ANGPT2: variants seen among roughly 807,000 people sequenced by gnomAD.
ANGPT2 encodes angiopoietin 2, also known as angiopoietin-2.
A neutral mutation model predicts 62.9 loss-of-function variants in ANGPT2; 28 were observed. The ratio of observed to expected loss-of-function variants is 0.44; its 90% CI spans 0.33 to 0.61. The LOEUF is 0.61. Ranked by LOEUF, ANGPT2 falls within the 20% of genes least tolerant of loss-of-function variation. The pLI is 0.03. For synonymous variants in ANGPT2, 284 were observed against 207.8 expected (o/e 1.37, Z -3.15); for missense variants, 727 against 594.9 (o/e 1.22, Z -2.31).
intron 8 of ANGPT2, among the ~76,000 whole-genome samples, chr8:6,504,801 A>G (rs1214278573): frequency 6.6e-6 from 1 of 152,140 alleles, no homozygotes; most frequent in Non-Finnish European, 1.5e-5. Context: ...TACAAACTAA[A>G]CTTTGTAAGT....
chr8:6,517,573 C>T (rs1441714581), intron 5 of ANGPT2, among the ~76,000 whole-genome samples: 1 of 152,174 alleles, frequency 6.6e-6, no homozygotes, highest in African/African-American at 2.4e-5. Context: ...TAAATGAGTG[C>T]AGAATCGGGT....
intron 1 of ANGPT2, among the ~76,000 whole-genome samples, chr8:6,555,355 C>T (rs1481180131): frequency 6.6e-6 from 1 of 152,174 alleles, no homozygotes; most frequent in Non-Finnish European, 1.5e-5. Context: ...AGCGTTTCCC[C>T]CTGTCAACTT....
At chr8:6,550,910 G>A (rs1244600311) in intron 1 of ANGPT2, among the ~76,000 whole-genome samples, 2 of 152,262 alleles carry the variant, frequency 1.3e-5, no homozygotes, top group East Asian at 3.9e-4. Context: ...CACAATTACA[G>A]CCCAAGGAGC....
chr8:6,550,019 G>C (rs1823343080), intron 1 of ANGPT2, among the ~76,000 whole-genome samples: 1 of 152,210 alleles, frequency 6.6e-6, no homozygotes, highest in Non-Finnish European at 1.5e-5. Context: ...TCGGGGACGG[G>C]GGACGTGCTG....
At chr8:6,513,987 C>G in intron 6 of ANGPT2, 143 bp from the exon 7 acceptor site, 1 of 786,600 alleles carries the variant, frequency 1.3e-6, no homozygotes, top group Non-Finnish European at 2.0e-6. Context: ...GGGTCCTTCC[C>G]AAAGGAAAAT....
intron 7 of ANGPT2, among the ~76,000 whole-genome samples, chr8:6,509,854 C>G (rs771679141): frequency 6.6e-6 from 1 of 152,158 alleles, no homozygotes; most frequent in Non-Finnish European, 1.5e-5. Context: ...ACACGGTGCA[C>G]GCAGTGTCTG....
At chr8:6,535,562 T>C (rs1820330572) in intron 1 of ANGPT2, among the ~76,000 whole-genome samples, 1 of 152,220 alleles carries the variant, frequency 6.6e-6, no homozygotes, top group South Asian at 2.1e-4. Flanking sequence ...ACATGATGTG[T>C]GTATATACAG....
intron 2 of ANGPT2, among the ~76,000 whole-genome samples, chr8:6,529,226 T>A (rs1868554): frequency 0.68 from 103,823 of 152,008 alleles, 35,752 homozygotes; most frequent in Non-Finnish European, 0.72. Context: ...AGGCCAGGTA[T>A]TGATCTCTCA....
At chr8:6,508,874 T>TCC in intron 8 of ANGPT2, 58 bp downstream of exon 8, 2 of 1,612,006 alleles carry the variant, frequency 1.2e-6, no homozygotes, top group Non-Finnish European at 1.7e-6. Context: ...TGCCAGCCTT[T>TCC]CCCTCTATGA....
At chr8:6,525,022 A>G (rs1818065803) in intron 3 of ANGPT2, among the ~76,000 whole-genome samples, 1 of 152,214 alleles carries the variant, frequency 6.6e-6, no homozygotes, top group Admixed American at 6.5e-5. Context: ...ATGTAAAATG[A>G]AGGCATTCGA....
chr8:6,515,904 T>C (rs1816178051), intron 5 of ANGPT2, among the ~76,000 whole-genome samples: 1 of 152,198 alleles, frequency 6.6e-6, no homozygotes, highest in South Asian at 2.1e-4. Context: ...GTGCTATTCC[T>C]GTTCTTTCAT....
intron 1 of ANGPT2, among the ~76,000 whole-genome samples, chr8:6,550,918 A>G (rs1389164862): frequency 2.0e-5 from 3 of 152,174 alleles, no homozygotes. Flanking sequence ...CAGCCCAAGG[A>G]GCCCAAGGGG....
chr8:6,527,772 A>G (rs148803765), intron 2 of ANGPT2, 96 bp from the exon 3 acceptor site: 20 of 1,177,364 alleles, frequency 1.7e-5, no homozygotes, highest in African/African-American at 1.6e-4. Flanking sequence ...ACAGGAAAAC[A>G]TAACAAAAAC....
intron 8 of ANGPT2, among the ~76,000 whole-genome samples, chr8:6,504,364 C>A (rs116365020): frequency 6.6e-6 from 1 of 151,540 alleles, no homozygotes; most frequent in Non-Finnish European, 1.5e-5. Context: ...AATTGCATGC[C>A]GTTCTGAGTA....
At chr8:6,505,121 C>G (rs1468922791) in intron 8 of ANGPT2, among the ~76,000 whole-genome samples, 2 of 80,912 alleles carry the variant, frequency 2.5e-5, no homozygotes, top group Non-Finnish European at 5.8e-5. Context: ...CTGGCAGGTC[C>G]TCTTTAGCCT....
intron 1 of ANGPT2, among the ~76,000 whole-genome samples, chr8:6,541,285 G>T (rs1212805917): frequency 6.6e-6 from 1 of 152,202 alleles, no homozygotes; most frequent in Non-Finnish European, 1.5e-5. Context: ...GAGAAAGTCA[G>T]TGCCCACCCC....
chr8:6,546,524 A>C (rs536686983), intron 1 of ANGPT2, among the ~76,000 whole-genome samples: 7 of 135,216 alleles, frequency 5.2e-5, no homozygotes, highest in African/African-American at 2.1e-4. Flanking sequence ...TTACTTAAGA[A>C]AGAAAATAAA....
At chr8:6,559,076 C>T (rs1449378378) in intron 1 of ANGPT2, among the ~76,000 whole-genome samples, 1 of 152,110 alleles carries the variant, frequency 6.6e-6, no homozygotes, top group African/African-American at 2.4e-5. Context: ...CCAGCGGATA[C>T]AGTAATGGTT....
chr8:6,508,724 C>T, intron 8 of ANGPT2: 1 of 684,456 alleles, frequency 1.5e-6, no homozygotes, highest in Non-Finnish European at 2.4e-6. Flanking sequence ...AGTTGGCTTG[C>T]TGACAAGTCT....
Sources: allele counts gnomAD v4.1 joint callset (sites outside exome capture counted in the v4.1 genomes callset), GRCh38; gene constraint gnomAD v4.1.1; transcripts MANE v1.5; gene names NCBI Gene and HGNC (gene_info 2026-07-23, HGNC 2026-07-21).